Variants in MAGI1 observed in about 807,000 individuals in gnomAD.
The protein encoded by MAGI1 is membrane-associated guanylate kinase, WW and PDZ domain-containing protein 1.
A neutral mutation model predicts 139.9 loss-of-function variants in MAGI1; 58 were observed. The observed-to-expected ratio is 0.41, with a 90% confidence interval of 0.34 to 0.52. The LOEUF is 0.52. Among genes scored for constraint, MAGI1 ranks in the 20% least tolerant of loss-of-function variants. The pLI is 0.12. For synonymous variants in MAGI1, 812 were observed against 737.9 expected (o/e 1.10, Z -1.63); for missense variants, 1,874 against 1,901.6 (o/e 0.99, Z 0.27).
intron 2 of MAGI1, among the ~76,000 whole-genome samples, chr3:65,564,784 A>G (rs2080533318): frequency 1.3e-5 from 2 of 152,188 alleles, no homozygotes; most frequent in South Asian, 2.1e-4. Flanking sequence ...CTCTTAAATG[A>G]TATCACAATT....
chr3:65,548,064 C>T (rs745847767), intron 2 of MAGI1, among the ~76,000 whole-genome samples: 6 of 152,186 alleles, frequency 3.9e-5, no homozygotes, highest in Non-Finnish European at 7.3e-5. Flanking sequence ...TGCAACCCTG[C>T]GGCAATAACC....
At chr3:65,818,116 G>T (rs1316772028) in intron 1 of MAGI1, among the ~76,000 whole-genome samples, 1 of 151,688 alleles carries the variant, frequency 6.6e-6, no homozygotes, top group Non-Finnish European at 1.5e-5. Context: ...TTTTAAATCT[G>T]CAGTCCTTAA....
chr3:65,706,927 A>G (rs1042128748), intron 1 of MAGI1, among the ~76,000 whole-genome samples: 1 of 152,230 alleles, frequency 6.6e-6, no homozygotes, highest in African/African-American at 2.4e-5. Context: ...TCCTAGTCCT[A>G]TAATTCCATC....
At chr3:65,634,398 T>A (rs1221781673) in intron 1 of MAGI1, among the ~76,000 whole-genome samples, 4 of 152,214 alleles carry the variant, frequency 2.6e-5, no homozygotes, top group Admixed American at 2.0e-4. Context: ...CTGTAGAAAT[T>A]TGTTGATATG....
chr3:65,591,144 A>C (rs1391096915), intron 2 of MAGI1, among the ~76,000 whole-genome samples: 2 of 152,004 alleles, frequency 1.3e-5, no homozygotes, highest in African/African-American at 4.8e-5. Flanking sequence ...TTTTCCATGA[A>C]CTCCACCATC....
At chr3:65,826,163 A>G (rs904197055) in intron 1 of MAGI1, among the ~76,000 whole-genome samples, 4 of 152,196 alleles carry the variant, frequency 2.6e-5, no homozygotes, top group Non-Finnish European at 5.9e-5. Flanking sequence ...AAAACACATT[A>G]TCAATGACTG....
intron 1 of MAGI1, among the ~76,000 whole-genome samples, chr3:65,995,587 A>G (rs867798885): frequency 1.3e-5 from 2 of 152,126 alleles, no homozygotes; most frequent in African/African-American, 4.8e-5. Flanking sequence ...CGAGGCCCCA[A>G]ATGGTAAATT....
rs540845951 is a variant in MAGI1, at chr3:65,645,708, A to G, written c.314-23620T>C. On this transcript the variant is annotated intron_variant, in intron 1 of 22. Coordinates refer to ENST00000402939, the MANE Select transcript of MAGI1 (RefSeq NM_001033057.2). Reference sequence around the variant, plus strand: ...CTATCTCATGTGGCTCTAAGAGTACATGGAGGAAATATTTCAGACAATGAT... The same window carrying G: ...CTATCTCATGTGGCTCTAAGAGTACGTGGAGGAAATATTTCAGACAATGAT... Among the ~76,000 whole-genome samples, 257 of 152,252 alleles carry G rather than the reference A, an allele frequency of 1.7e-3. 1 individual carries two copies. Among genetic ancestry groups the G allele is most frequent in the Non-Finnish European group, 3.3e-3 (226 of 67,974 alleles).
chr3:65,631,562 C>G (rs558809619), intron 1 of MAGI1, among the ~76,000 whole-genome samples: 31 of 151,532 alleles, frequency 2.0e-4, no homozygotes, highest in Non-Finnish European at 4.3e-4. Context: ...TTCTTGAGAT[C>G]TTTGGAGATA....
chr3:65,567,280 GTC>G (rs150834880), intron 2 of MAGI1, among the ~76,000 whole-genome samples: 20,168 of 151,614 alleles, frequency 0.13, 1,620 homozygotes, highest in South Asian at 0.19. Context: ...AATGACAAAA[GTC>G]TACATTTGAG....
Position 65,379,521 on chromosome 3 carries a change from G to C in MAGI1, c.2735C>G (p.Ala912Gly). Residue 912 changes from alanine to glycine, a missense_variant, in exon 17 of 23, where the codon GCC (alanine) becomes GGC (glycine). Physicochemically the swap from Ala to Gly is moderately conservative, Grantham distance 60. This residue lies in a region of MAGI1 where 482 missense variants were observed against 509.6 expected (regional missense o/e 0.95). Transcript: ENST00000402939. The stretch of plus-strand genomic sequence containing the variant: ...CTGGTTGCTACTGTGATGAGAGGAG[G>C]CTGGCGAGGGCACCTCGTTCTCGGT... ...PKTENEVPSP[A>G]SSHHSSNQPA... is the part of the protein sequence containing the mutation. The C allele has an allele frequency of 6.2e-7, 1 of 1,611,870 alleles. No homozygotes were observed. The highest frequency in any genetic ancestry group is 8.5e-7 in the Non-Finnish European group (1 of 1,178,238).
chr3:65,402,437 G>A (rs948728344), intron 12 of MAGI1, among the ~76,000 whole-genome samples: 2 of 152,104 alleles, frequency 1.3e-5, no homozygotes, highest in Admixed American at 6.5e-5. Context: ...AAAGACAGGC[G>A]AGAAAGGAAA....
At chr3:65,865,332 G>A (rs1007451558) in intron 1 of MAGI1, among the ~76,000 whole-genome samples, 5 of 152,160 alleles carry the variant, frequency 3.3e-5, no homozygotes, top group African/African-American at 1.2e-4. Flanking sequence ...CACGTGCAGT[G>A]GCTCACACCT....
intron 1 of MAGI1, among the ~76,000 whole-genome samples, chr3:65,870,083 A>C (rs1384949387): frequency 6.6e-6 from 1 of 152,206 alleles, no homozygotes; most frequent in Non-Finnish European, 1.5e-5. Context: ...TCTTAGAAAG[A>C]GCGATTTGTT....
At chr3:65,846,480 T>C (rs1004529823) in intron 1 of MAGI1, among the ~76,000 whole-genome samples, 2 of 152,202 alleles carry the variant, frequency 1.3e-5, no homozygotes, top group Non-Finnish European at 2.9e-5. Context: ...GGGGTCATGA[T>C]CTAGATCTTC....
chr3:65,450,761 T>C (rs1303908340), intron 6 of MAGI1, among the ~76,000 whole-genome samples: 1 of 152,174 alleles, frequency 6.6e-6, no homozygotes, highest in East Asian at 1.9e-4. Flanking sequence ...AGATAGGAAA[T>C]AGAACATATT....
At chr3:65,852,269 T>C (rs2059231312) in intron 1 of MAGI1, among the ~76,000 whole-genome samples, 1 of 152,192 alleles carries the variant, frequency 6.6e-6, no homozygotes, top group Non-Finnish European at 1.5e-5. Flanking sequence ...GAAGTAGCAT[T>C]GCTGTCTAGG....
intron 1 of MAGI1, among the ~76,000 whole-genome samples, chr3:65,686,485 T>A (rs190013881): frequency 5.9e-5 from 9 of 151,892 alleles, no homozygotes; most frequent in Non-Finnish European, 1.3e-4. Context: ...TAGAGACAGG[T>A]TTTCACCGTG....
intron 1 of MAGI1, among the ~76,000 whole-genome samples, chr3:65,803,504 G>A (rs1354432413): frequency 2.6e-5 from 4 of 152,018 alleles, no homozygotes; most frequent in African/African-American, 9.7e-5. Context: ...GTGAAATCTT[G>A]TTCAATCCAT....
Sources: gnomAD v4.1 joint callset for allele counts (sites outside exome capture counted in the v4.1 genomes callset) on GRCh38, gnomAD v4.1.1 for gene constraint, gnomAD v4.1.1 regional missense constraint, MANE v1.5 for transcripts, NCBI Gene and HGNC (gene_info 2026-07-23, HGNC 2026-07-21) for gene names.